Variants in STPG2 observed in about 807,000 individuals in gnomAD.
STPG2 encodes the protein sperm-tail PG-rich repeat-containing protein 2.
Under a neutral mutation model 54.2 loss-of-function variants are expected in STPG2, and 56 were observed. The ratio of observed to expected loss-of-function variants is 1.03; its 90% confidence interval spans 0.83 to 1.29. The LOEUF is 1.29. Among genes scored for constraint, STPG2 ranks in the 50% most tolerant of loss-of-function variants. STPG2 has a pLI of 0.00. For missense variants in STPG2, 596 were observed against 544.9 expected (o/e 1.09, Z -0.93); for synonymous variants, 200 against 181.8 (o/e 1.10, Z -0.81).
chr4:97,573,688 G>A (rs1371659515), intron 10 of STPG2, among the ~76,000 whole-genome samples: 1 of 151,976 alleles, frequency 6.6e-6, no homozygotes, highest in African/African-American at 2.4e-5. Context: ...ATTTTAAAAT[G>A]TCCTCAATAT....
chr4:98,046,569 T>C (rs1053547889), intron 5 of STPG2, among the ~76,000 whole-genome samples: 2 of 152,136 alleles, frequency 1.3e-5, no homozygotes, highest in Non-Finnish European at 2.9e-5. Context: ...CCCAGGAGAT[T>C]AGGGTGTGCC....
At chr4:98,031,499 A>C (rs923604402) in intron 5 of STPG2, among the ~76,000 whole-genome samples, 1 of 152,104 alleles carries the variant, frequency 6.6e-6, no homozygotes, top group African/African-American at 2.4e-5. Context: ...CAACATGGTG[A>C]AACCCCATCT....
intron 4 of STPG2, among the ~76,000 whole-genome samples, chr4:97,491,018 TA>T (rs563611510): frequency 6.7e-4 from 101 of 151,734 alleles, no homozygotes; most frequent in South Asian, 1.5e-3. Context: ...TTTTTTGGAT[TA>T]TTTTTTCCTA....
chr4:97,963,180 C>A (rs759466993), intron 7 of STPG2, among the ~76,000 whole-genome samples: 5 of 151,240 alleles, frequency 3.3e-5, no homozygotes, highest in Non-Finnish European at 7.4e-5. Flanking sequence ...AACAAACAAA[C>A]AAACAAAAAA....
intron 8 of STPG2, among the ~76,000 whole-genome samples, chr4:97,924,460 T>A (rs1213910373): frequency 6.6e-6 from 1 of 152,248 alleles, no homozygotes; most frequent in African/African-American, 2.4e-5. Context: ...TAGGAGCAGA[T>A]GCTCAAAATT....
intron 10 of STPG2, among the ~76,000 whole-genome samples, chr4:97,668,221 A>C (rs1273186360): frequency 6.6e-6 from 1 of 152,194 alleles, no homozygotes. Flanking sequence ...GCAAAGCCAA[A>C]ATAAAGGAAG....
At position 97,972,413 on chromosome 4, in the gene STPG2, T is replaced by C; in HGVS notation, c.800A>G (p.Asn267Ser). 7 of 1,597,598 alleles carry C rather than the reference T, an allele frequency of 4.4e-6. No homozygotes were observed. The highest frequency in any genetic ancestry group is 6.0e-6 in the Non-Finnish European group (7 of 1,169,992). The change falls in exon 7 of 11, where the codon AAT (asparagine) becomes AGT (serine). Residue 267 changes from asparagine to serine, a missense_variant. By Grantham distance (46) the Asn-to-Ser change is conservative. Transcript: ENST00000295268. The stretch of plus-strand genomic sequence containing the variant: ...ATTTCTAACACTGGCAATTATAGTA[T>C]TGTTCAAGACATTATAAAATCCAGG... ...PGPGFYNVLNNTIIASVRNIC... is the reference protein window; with the variant it reads ...PGPGFYNVLNSTIIASVRNIC...
intron 8 of STPG2, among the ~76,000 whole-genome samples, chr4:97,887,050 C>G (rs533581063): frequency 6.6e-6 from 1 of 152,274 alleles, no homozygotes; most frequent in East Asian, 1.9e-4. Context: ...GATTCCTGTA[C>G]AGCCTGTGGA....
chr4:97,994,532 G>A (rs1236604700), intron 5 of STPG2, among the ~76,000 whole-genome samples: 2 of 152,122 alleles, frequency 1.3e-5, no homozygotes, highest in African/African-American at 4.8e-5. Flanking sequence ...ATCCCCTAGG[G>A]ATGTGGCTTC....
At chr4:98,092,037 A>G (rs975102008) in intron 5 of STPG2, among the ~76,000 whole-genome samples, 1 of 152,114 alleles carries the variant, frequency 6.6e-6, no homozygotes, top group African/African-American at 2.4e-5. Context: ...ACTTTGGTAT[A>G]TAAAACTCAC....
chr4:97,903,001 T>C (rs528194810), intron 8 of STPG2, among the ~76,000 whole-genome samples: 2 of 152,270 alleles, frequency 1.3e-5, no homozygotes, highest in African/African-American at 2.4e-5. Flanking sequence ...ATCTCACTTA[T>C]ATATAGTCTT....
chr4:97,583,636 A>G (rs557713354), intron 10 of STPG2, among the ~76,000 whole-genome samples: 153 of 151,966 alleles, frequency 1.0e-3, no homozygotes, highest in Middle Eastern at 3.4e-3. Flanking sequence ...CAGGGACTCA[A>G]GTAATGCATA....
chr4:97,482,420 AT>A (rs1730245236), intron 4 of STPG2, among the ~76,000 whole-genome samples: 1 of 151,690 alleles, frequency 6.6e-6, no homozygotes, highest in African/African-American at 2.4e-5. Context: ...ATGCTCTGGG[AT>A]GTCTAAGAAA....
In STPG2 at chr4:97,840,891, A is replaced by G; in HGVS notation, c.1086T>C (p.Tyr362=). ...APGSYDVHKS[Y]EMSQVKHKYM... ...ATTTATGCTTAACTTGGGACATCTC[A>G]TATGATTTGTGAACATCATAGCTGC... Residue 362 remains tyrosine, a synonymous_variant, in exon 9 of 11, where the codon TAT becomes TAC. Coordinates refer to ENST00000295268, the MANE Select transcript of STPG2 (RefSeq NM_174952.3). 6.2e-7 allele frequency: 1 copy of G among 1,611,024 alleles called. No individual in the cohort carries two copies. The highest frequency in any genetic ancestry group is 1.3e-5 in the African/African-American group (1 of 74,882).
At chr4:97,503,554 G>T (rs1406592705) in intron 4 of STPG2, among the ~76,000 whole-genome samples, 1 of 150,810 alleles carries the variant, frequency 6.6e-6, no homozygotes, top group Non-Finnish European at 1.5e-5. Context: ...CCAAAGTGCT[G>T]GGATTACAGG....
chr4:98,008,763 T>G (rs556711511), intron 5 of STPG2, among the ~76,000 whole-genome samples: 1 of 152,158 alleles, frequency 6.6e-6, no homozygotes, highest in Admixed American at 6.5e-5. Flanking sequence ...ATGTACCAAA[T>G]TCTCCACTTA....
At chr4:97,932,878 AT>A (rs1219831376) in intron 8 of STPG2, among the ~76,000 whole-genome samples, 1 of 152,192 alleles carries the variant, frequency 6.6e-6, no homozygotes, top group Non-Finnish European at 1.5e-5. Flanking sequence ...TTGGATATAT[AT>A]CCCAGTAATG....
chr4:98,062,783 AC>A (rs1347841996), intron 5 of STPG2, among the ~76,000 whole-genome samples: 1 of 152,168 alleles, frequency 6.6e-6, no homozygotes, highest in African/African-American at 2.4e-5. Context: ...TTACTTTTGT[AC>A]TAATCTAATA....
chr4:97,657,312 C>A (rs1722244751), intron 10 of STPG2, among the ~76,000 whole-genome samples: 1 of 152,126 alleles, frequency 6.6e-6, no homozygotes, highest in Non-Finnish European at 1.5e-5. Flanking sequence ...ACTGGCCAAT[C>A]ATCATTCAGA....
Sources: allele counts gnomAD v4.1 joint callset (sites outside exome capture counted in the v4.1 genomes callset), GRCh38; gene constraint gnomAD v4.1.1; transcripts MANE v1.5; gene names NCBI Gene and HGNC (gene_info 2026-07-23, HGNC 2026-07-21).